The following ATG5 variants were observed in gnomAD, a reference collection of about 807,000 sequenced individuals.
The protein encoded by ATG5 is autophagy related 5, also known as autophagy protein 5.
Under a neutral mutation model 36.5 loss-of-function variants are expected in ATG5, and 14 were observed. The observed-to-expected ratio is 0.38, with a 90% confidence interval of 0.25 to 0.60. The LOEUF is 0.60. Among genes scored for constraint, ATG5 ranks in the 20% least tolerant of loss-of-function variants. ATG5 has a pLI of 0.60. For missense variants in ATG5, 195 were observed against 326.7 expected, an observed-to-expected ratio of 0.60 and a Z score of 3.11; for synonymous variants, 95 against 101.5, an observed-to-expected ratio of 0.94 and a Z score of 0.38.
intron 7 of ATG5, among the ~76,000 whole-genome samples, chr6:106,187,352 C>A (rs1159462508): frequency 6.6e-6 from 1 of 152,124 alleles, no homozygotes; most frequent in East Asian, 1.9e-4. Flanking sequence ...TTACACCTTT[C>A]TTTTAAATTC....
intron 6 of ATG5, among the ~76,000 whole-genome samples, chr6:106,227,740 T>G (rs1777501878): frequency 6.6e-6 from 1 of 152,256 alleles, no homozygotes; most frequent in South Asian, 2.1e-4. Context: ...AAGACAGCCT[T>G]GTTTGATAAC....
intron 3 of ATG5, among the ~76,000 whole-genome samples, chr6:106,297,285 T>G (rs1769995180): frequency 6.6e-6 from 1 of 152,190 alleles, no homozygotes; most frequent in Non-Finnish European, 1.5e-5. Flanking sequence ...TATTTGATAG[T>G]AGGCAAATGC....
intron 1 of ATG5, among the ~76,000 whole-genome samples, chr6:106,322,359 C>T (rs1175171890): frequency 6.6e-6 from 1 of 152,190 alleles, no homozygotes; most frequent in Non-Finnish European, 1.5e-5. Context: ...CCCCCAACTA[C>T]CTAGAAATAT....
chr6:106,312,838 A>G (rs568165826), intron 2 of ATG5, among the ~76,000 whole-genome samples: 4 of 152,232 alleles, frequency 2.6e-5, no homozygotes, highest in Non-Finnish European at 5.9e-5. Flanking sequence ...GACTTTGGCA[A>G]GAACAGTTTT....
intron 7 of ATG5, among the ~76,000 whole-genome samples, chr6:106,197,447 G>A (rs1041208959): frequency 1.4e-5 from 2 of 145,388 alleles, no homozygotes; most frequent in African/African-American, 5.1e-5. Flanking sequence ...TAGTGTGGTT[G>A]CTTGTCCCCG....
At chr6:106,317,909 A>C (rs886087409) in intron 1 of ATG5, among the ~76,000 whole-genome samples, 5 of 152,220 alleles carry the variant, frequency 3.3e-5, no homozygotes, top group Non-Finnish European at 7.3e-5. Context: ...CTAAAATTGA[A>C]TCTGATATAA....
chr6:106,265,168 CAAAAAAAAAA>C (rs748718301), intron 5 of ATG5, among the ~76,000 whole-genome samples: 1 of 56,734 alleles, frequency 1.8e-5, no homozygotes, highest in African/African-American at 6.8e-5. Context: ...AAATGGAAAG[CAAAAAAAAAA>C]AAAAAAAAAG....
At chr6:106,322,451 C>A (rs1582699893) in intron 1 of ATG5, among the ~76,000 whole-genome samples, 1 of 152,160 alleles carries the variant, frequency 6.6e-6, no homozygotes, top group Non-Finnish European at 1.5e-5. Flanking sequence ...TTCATAAACA[C>A]TAGTTTCCTA....
intron 5 of ATG5, among the ~76,000 whole-genome samples, chr6:106,259,839 G>A (rs1444517457): frequency 2.0e-5 from 3 of 152,130 alleles, no homozygotes; most frequent in South Asian, 2.1e-4. Flanking sequence ...CACTATTCAC[G>A]GTAGCAAAGA....
chr6:106,216,353 G>A (rs1242278822), intron 6 of ATG5, among the ~76,000 whole-genome samples: 2 of 152,182 alleles, frequency 1.3e-5, no homozygotes, highest in African/African-American at 2.4e-5. Flanking sequence ...CAATCCACAT[G>A]TCTATCAATT....
intron 6 of ATG5, among the ~76,000 whole-genome samples, chr6:106,204,255 T>C (rs770717977): frequency 7.2e-5 from 11 of 152,046 alleles, no homozygotes; most frequent in Admixed American, 3.3e-4. Flanking sequence ...TAAAAATAAG[T>C]AGAAAAAATA....
intron 6 of ATG5, among the ~76,000 whole-genome samples, chr6:106,236,053 A>C (rs1241748780): frequency 6.6e-6 from 1 of 152,140 alleles, no homozygotes; most frequent in Non-Finnish European, 1.5e-5. Flanking sequence ...TTGTCACTAC[A>C]TATTAGTTTT....
chr6:106,235,875 T>C (rs965886945), intron 6 of ATG5, among the ~76,000 whole-genome samples: 1 of 152,168 alleles, frequency 6.6e-6, no homozygotes, highest in African/African-American at 2.4e-5. Flanking sequence ...ATTTTAAGTA[T>C]ACAGTTCAAA....
chr6:106,198,940 C>A (rs1189398315), intron 7 of ATG5, among the ~76,000 whole-genome samples: 1 of 151,602 alleles, frequency 6.6e-6, no homozygotes, highest in African/African-American at 2.4e-5. Flanking sequence ...TGAAAAAAAA[C>A]AAGGATTTGA....
At chr6:106,287,462 C>T (rs1223095899) in intron 4 of ATG5, among the ~76,000 whole-genome samples, 2 of 152,202 alleles carry the variant, frequency 1.3e-5, no homozygotes, top group East Asian at 3.8e-4. Context: ...AGCACATAAG[C>T]ACTTATCTGA....
chr6:106,271,960 G>A (rs935565423), intron 5 of ATG5, among the ~76,000 whole-genome samples: 1 of 152,200 alleles, frequency 6.6e-6, no homozygotes, highest in Non-Finnish European at 1.5e-5. Flanking sequence ...TTTAATCCCA[G>A]ATAAATATGC....
chr6:106,277,263 A>G (rs1194659476), intron 5 of ATG5, among the ~76,000 whole-genome samples: 1 of 152,206 alleles, frequency 6.6e-6, no homozygotes, highest in Non-Finnish European at 1.5e-5. Context: ...TGGCAGGTGA[A>G]GGTTTTCTTC....
intron 4 of ATG5, among the ~76,000 whole-genome samples, chr6:106,285,260 T>G (rs1244508011): frequency 1.3e-5 from 2 of 152,206 alleles, no homozygotes; most frequent in Non-Finnish European, 2.9e-5. Flanking sequence ...AATTTTGTGG[T>G]TTTTTTAAGT....
chr6:106,239,127 G>T (rs1243897830), intron 6 of ATG5, among the ~76,000 whole-genome samples: 1 of 151,826 alleles, frequency 6.6e-6, no homozygotes, highest in East Asian at 1.9e-4. Flanking sequence ...CACAGTCTTG[G>T]TAATGCAATA....
Sources: gnomAD v4.1 joint callset for allele counts (sites outside exome capture counted in the v4.1 genomes callset) on GRCh38, gnomAD v4.1.1 for gene constraint, MANE v1.5 for transcripts, NCBI Gene and HGNC (gene_info 2026-07-23, HGNC 2026-07-21) for gene names.